SLC6A9: variants seen among roughly 807,000 people sequenced by gnomAD.
SLC6A9 encodes sodium- and chloride-dependent glycine transporter 1.
SLC6A9 carries 31 observed loss-of-function variants against 70.9 expected under a neutral mutation model. The ratio of observed to expected loss-of-function variants is 0.44; its 90% CI spans 0.33 to 0.59. The LOEUF is 0.59. SLC6A9 is among the 20% of genes least tolerant of loss of function. SLC6A9 has a pLI of 0.04. For missense variants in SLC6A9, 631 were observed against 845.2 expected (o/e 0.75, Z 3.14); for synonymous variants, 310 against 341.3 (o/e 0.91, Z 1.01).
At chr1:44,023,259 T>C (rs2086920551) in intron 2 of SLC6A9, among the ~76,000 whole-genome samples, 1 of 152,162 alleles carries the variant, frequency 6.6e-6, no homozygotes, top group South Asian at 2.1e-4. Flanking sequence ...AAGACAACCA[T>C]TGCCTCTGGG....
At chr1:44,023,511 T>C (rs1447347531) in intron 2 of SLC6A9, among the ~76,000 whole-genome samples, 1 of 152,040 alleles carries the variant, frequency 6.6e-6, no homozygotes, top group Non-Finnish European at 1.5e-5. Flanking sequence ...GCATGGTGGC[T>C]CATGCCTGTA....
intron 5 of SLC6A9, among the ~76,000 whole-genome samples, chr1:44,006,317 G>A (rs376863439): frequency 6.6e-6 from 1 of 152,182 alleles, no homozygotes; most frequent in Non-Finnish European, 1.5e-5. Context: ...GCTGGGTGTG[G>A]TGGCTCATGC....
intron 2 of SLC6A9, among the ~76,000 whole-genome samples, chr1:44,019,137 A>G (rs1407317314): frequency 1.3e-5 from 2 of 152,144 alleles, no homozygotes. Context: ...ATTAGTAATA[A>G]TGGTAATAGA....
At position 44,022,722 on chromosome 1, in the gene SLC6A9, C is replaced by CTTTTTCTTT. The variant is rs1553164498; in HGVS notation, c.30+1525_30+1526insAAAGAAAAA. ...TTTTTCTTTCTTTCTTTCTTTCTTT[C>CTTTTTCTTT]TTTTTTTTTTTTTTGAGACAGAGCC... On this transcript the variant is annotated intron_variant, in intron 2 of 13. Transcript: ENST00000372310. Among the ~76,000 whole-genome samples the CTTTTTCTTT allele has an allele frequency of 2.0e-4, 24 of 118,958 alleles. 1 individual carries two copies. The highest frequency in any genetic ancestry group is 3.6e-4 in the Non-Finnish European group (22 of 60,474). The allele number at this position is 118,958 out of a possible 152,430, so 78.0% of individuals were successfully genotyped here. A position where few individuals can be genotyped will look rare whatever the true frequency, so the allele number is the denominator to read the frequency against.
intron 2 of SLC6A9, chr1:44,017,400 C>G: frequency 8.6e-7 from 1 of 1,163,078 alleles, no homozygotes; most frequent in Non-Finnish European, 1.1e-6. Flanking sequence ...CACACACACA[C>G]ACACACACAG....
intron 2 of SLC6A9, chr1:44,015,843 G>A: frequency 1.0e-6 from 1 of 985,268 alleles, no homozygotes; most frequent in Non-Finnish European, 1.2e-6. Context: ...GGCCGGGGTG[G>A]AGGGGCAGAA....
At position 44,009,951 on chromosome 1, in the gene SLC6A9, C is replaced by T. The variant is rs201038599; in HGVS notation, c.319+14G>A. The T allele has an allele frequency of 4.0e-5, 64 of 1,612,490 alleles. No individual in the cohort carries two copies. Among genetic ancestry groups the T allele is most frequent in the Admixed American group, 8.4e-5 (5 of 59,722 alleles). On this transcript the variant is annotated intron_variant, in intron 4 of 13. Transcript: ENST00000372310. The stretch of plus-strand genomic sequence containing the variant: ...TTTGTGTATGTGTGAGCGAGTGCCC[C>T]GCCCAGGCCTCACCTTTGAACATGG...
intron 1 of SLC6A9, among the ~76,000 whole-genome samples, chr1:44,029,240 G>T (rs1362879969): frequency 6.6e-6 from 1 of 152,232 alleles, no homozygotes; most frequent in African/African-American, 2.4e-5. Context: ...CCTCACGGGG[G>T]ATGGAAAGGT....
intron 8 of SLC6A9, 74 bp from the exon 9 acceptor site, chr1:44,001,701 A>C (rs2086114659): frequency 6.0e-6 from 7 of 1,168,244 alleles, no homozygotes; most frequent in Non-Finnish European, 8.7e-6. Flanking sequence ...AGACACGGAA[A>C]GTTCTAGGTA....
At position 44,027,713 on chromosome 1, in the gene SLC6A9, C is replaced by T. The variant is rs527686202; in HGVS notation, c.-85-3351G>A. Among the ~76,000 whole-genome samples, 140 of 152,236 alleles carry T rather than the reference C, an allele frequency of 9.2e-4. 1 individual carries two copies. Among genetic ancestry groups the T allele is most frequent in the Non-Finnish European group, 1.6e-3 (109 of 68,050 alleles). On this transcript the variant is annotated intron_variant, in intron 1 of 13. Coordinates refer to ENST00000372310, the MANE Select transcript of SLC6A9 (RefSeq NM_001024845.3). ...AACTGAGACCAGGAGTGGTGGCTCACGCCTGTAATCCTAGCACTTTGGGAG... is the reference window on the plus strand; with the variant it reads ...AACTGAGACCAGGAGTGGTGGCTCATGCCTGTAATCCTAGCACTTTGGGAG...
At chr1:44,011,030 G>C in intron 2 of SLC6A9, 148 bp from the exon 3 acceptor site, 1 of 803,764 alleles carries the variant, frequency 1.2e-6, no homozygotes, top group South Asian at 1.7e-5. Context: ...GGCAGGCCTG[G>C]CAAAGGAGGG....
chr1:44,011,590 T>C (rs956192481), intron 2 of SLC6A9: 4 of 1,612,906 alleles, frequency 2.5e-6, no homozygotes, highest in East Asian at 4.5e-5. Context: ...TGCTGGGCCA[T>C]GAGTTGGGGA....
intron 5 of SLC6A9, among the ~76,000 whole-genome samples, chr1:44,006,602 A>G (rs940384855): frequency 6.6e-6 from 1 of 151,590 alleles, no homozygotes; most frequent in Admixed American, 6.6e-5. Flanking sequence ...AAAAAAAAAA[A>G]AAAAAAAAGA....
intron 1 of SLC6A9, among the ~76,000 whole-genome samples, chr1:44,025,060 T>G (rs2086956620): frequency 6.6e-6 from 1 of 152,248 alleles, no homozygotes; most frequent in African/African-American, 2.4e-5. Context: ...ACGAGTACTC[T>G]TATTTCATAT....
At chr1:44,016,242 CGGCGTCTACCCTCACT>C (rs1394787132) in intron 2 of SLC6A9, among the ~76,000 whole-genome samples, 65 of 152,234 alleles carry the variant, frequency 4.3e-4, no homozygotes, top group African/African-American at 1.5e-3. Flanking sequence ...CGGCTGGGGG[CGGCGTCTACCCTCACT>C]GGCTAGCAGC....
At chr1:44,005,443 T>A (rs2086273788) in intron 5 of SLC6A9, among the ~76,000 whole-genome samples, 4 of 152,202 alleles carry the variant, frequency 2.6e-5, no homozygotes, top group Non-Finnish European at 4.4e-5. Flanking sequence ...TTCCCTCATT[T>A]GTAAAATGGT....
At chr1:44,015,301 C>A (rs2086703569) in intron 2 of SLC6A9, among the ~76,000 whole-genome samples, 1 of 152,198 alleles carries the variant, frequency 6.6e-6, no homozygotes. Flanking sequence ...GTGTGACACT[C>A]CCGCCTCCTA....
rs2086534148 is a variant in SLC6A9 at position 44,010,716 on chromosome 1, C to T, written c.187+10G>A. 1 of 1,613,778 alleles carries T rather than the reference C, an allele frequency of 6.2e-7. No individual in the cohort carries two copies. Among genetic ancestry groups the T allele is most frequent in the Non-Finnish European group, 8.5e-7 (1 of 1,179,740 alleles). ...AAGTGGGTGGTCCCTGCCCTGTGCC[C>T]ACTGGGTACCTCCCCCGTTGCGATA... On this transcript the variant is annotated intron_variant, in intron 3 of 13. Coordinates refer to ENST00000372310, the MANE Select transcript of SLC6A9 (RefSeq NM_001024845.3).
At chr1:44,012,109 G>A (rs546861360) in intron 2 of SLC6A9, among the ~76,000 whole-genome samples, 4 of 152,332 alleles carry the variant, frequency 2.6e-5, no homozygotes, top group African/African-American at 4.8e-5. Flanking sequence ...ATGGAGCCCC[G>A]TAGCCTCAGA....
Sources: gnomAD v4.1 joint callset for allele counts (sites outside exome capture counted in the v4.1 genomes callset) on GRCh38, gnomAD v4.1.1 for gene constraint, MANE v1.5 for transcripts, NCBI Gene and HGNC (gene_info 2026-07-23, HGNC 2026-07-21) for gene names.